Variants in LRP1B observed in about 807,000 individuals in gnomAD.
The protein encoded by LRP1B is LDL receptor related protein 1B, also known as low-density lipoprotein receptor-related protein 1B.
LRP1B carries 217 observed loss-of-function variants against 556.6 expected under a neutral mutation model. The observed-to-expected ratio is 0.39, with a 90% CI of 0.35 to 0.44. The LOEUF (loss-of-function observed/expected upper bound fraction) is 0.44, where lower values mean the gene tolerates loss of function less well. Among genes scored for constraint, LRP1B ranks in the 20% least tolerant of loss-of-function variants. LRP1B has a pLI of 1.00. For missense variants in LRP1B, 5,053 were observed against 5,620.8 expected, an observed-to-expected ratio of 0.90 and a Z score of 3.23; for synonymous variants, 2,047 against 1,865.8, an observed-to-expected ratio of 1.10 and a Z score of -2.50.
At chr2:140,434,073 T>A (rs1374628011) in intron 66 of LRP1B, among the ~76,000 whole-genome samples, 3 of 151,086 alleles carry the variant, frequency 2.0e-5, no homozygotes, top group African/African-American at 7.3e-5. Context: ...TATTTATTTA[T>A]TTTTTTTTCA....
At chr2:142,117,886 G>T (rs2105007555) in intron 1 of LRP1B, among the ~76,000 whole-genome samples, 1 of 152,196 alleles carries the variant, frequency 6.6e-6, no homozygotes, top group South Asian at 2.1e-4. Flanking sequence ...ATATGCTTTT[G>T]TGTTTGCAAA....
intron 37 of LRP1B, among the ~76,000 whole-genome samples, chr2:140,711,655 C>T (rs1305465595): frequency 6.6e-6 from 1 of 152,104 alleles, no homozygotes; most frequent in African/African-American, 2.4e-5. Flanking sequence ...TGGCTAGTCT[C>T]ATGTTGCTGG....
At chr2:141,870,634 GA>G (rs1440609441) in intron 1 of LRP1B, among the ~76,000 whole-genome samples, 1 of 151,854 alleles carries the variant, frequency 6.6e-6, no homozygotes, top group Non-Finnish European at 1.5e-5. Flanking sequence ...TTTCCCTCAA[GA>G]ATAAGGGGAA....
chr2:142,042,592 G>T (rs751431689), intron 1 of LRP1B, among the ~76,000 whole-genome samples: 1 of 151,394 alleles, frequency 6.6e-6, no homozygotes, highest in Non-Finnish European at 1.5e-5. Context: ...ATAAAAAAGG[G>T]ACAATGTTTC....
At chr2:140,474,471 T>C (rs1687888600) in intron 60 of LRP1B, among the ~76,000 whole-genome samples, 1 of 151,902 alleles carries the variant, frequency 6.6e-6, no homozygotes, top group South Asian at 2.1e-4. Flanking sequence ...TGTAAACCCC[T>C]GATAGCAAAG....
chr2:140,833,328 A>G (rs909336516), intron 31 of LRP1B, among the ~76,000 whole-genome samples: 2 of 152,204 alleles, frequency 1.3e-5, no homozygotes, highest in Non-Finnish European at 2.9e-5. Flanking sequence ...GTTTTAAACT[A>G]TGTGGCAGTA....
At chr2:141,625,907 G>T (rs1688687668) in intron 2 of LRP1B, among the ~76,000 whole-genome samples, 1 of 152,048 alleles carries the variant, frequency 6.6e-6, no homozygotes, top group African/African-American at 2.4e-5. Context: ...TCTATATTTA[G>T]ATTGCATATT....
At chr2:140,574,757 C>T (rs577754498) in intron 43 of LRP1B, among the ~76,000 whole-genome samples, 55 of 152,278 alleles carry the variant, frequency 3.6e-4, no homozygotes, top group Middle Eastern at 6.8e-3. Flanking sequence ...AACCTTCTCC[C>T]TTTAACTGAA....
At chr2:141,277,754 C>G (rs1368910045) in intron 3 of LRP1B, among the ~76,000 whole-genome samples, 2 of 147,608 alleles carry the variant, frequency 1.4e-5, no homozygotes, top group African/African-American at 2.5e-5. Context: ...GGTGAATGTT[C>G]TCACCCAAAA....
intron 7 of LRP1B, among the ~76,000 whole-genome samples, chr2:141,121,273 T>C (rs1277587321): frequency 1.3e-5 from 2 of 152,202 alleles, no homozygotes; most frequent in East Asian, 3.9e-4. Context: ...GAATCTGATA[T>C]TTCAGAAATA....
chr2:140,377,601 G>A (rs1413474184), intron 68 of LRP1B, among the ~76,000 whole-genome samples: 1 of 152,164 alleles, frequency 6.6e-6, no homozygotes, highest in African/African-American at 2.4e-5. Flanking sequence ...CAAATTGTAT[G>A]AAGTATTATA....
chr2:141,780,472 G>A (rs2105637286), intron 2 of LRP1B, among the ~76,000 whole-genome samples: 1 of 152,228 alleles, frequency 6.6e-6, no homozygotes, highest in South Asian at 2.1e-4. Context: ...AATCAGTGAT[G>A]TCCTGATAAA....
At chr2:141,820,925 G>A (rs567357945) in intron 1 of LRP1B, among the ~76,000 whole-genome samples, 1 of 152,240 alleles carries the variant, frequency 6.6e-6, no homozygotes, top group Non-Finnish European at 1.5e-5. Context: ...GGACTTTGCA[G>A]ATGTGATTAA....
intron 17 of LRP1B, among the ~76,000 whole-genome samples, chr2:140,988,456 A>G (rs1343512416): frequency 6.6e-6 from 1 of 152,180 alleles, no homozygotes; most frequent in Admixed American, 6.5e-5. Context: ...TAGAAGACAT[A>G]GACTAGGACT....
intron 35 of LRP1B, among the ~76,000 whole-genome samples, chr2:140,739,215 A>G (rs544024612): frequency 1.3e-5 from 2 of 152,230 alleles, no homozygotes; most frequent in Admixed American, 1.3e-4. Flanking sequence ...GTCAGCCACC[A>G]TATGGGTGAG....
At chr2:141,801,168 A>G (rs577223355) in intron 2 of LRP1B, among the ~76,000 whole-genome samples, 1 of 152,156 alleles carries the variant, frequency 6.6e-6, no homozygotes, top group African/African-American at 2.4e-5. Flanking sequence ...AACCTAATAT[A>G]GTATATTAAT....
chr2:141,186,111 A>C (rs1210632755), intron 7 of LRP1B, among the ~76,000 whole-genome samples: 1 of 147,712 alleles, frequency 6.8e-6, no homozygotes, highest in African/African-American at 2.5e-5. Flanking sequence ...CAGTATGCTT[A>C]AGTAACAGGT....
intron 60 of LRP1B, among the ~76,000 whole-genome samples, chr2:140,474,295 G>T (rs1687881122): frequency 6.6e-6 from 1 of 151,846 alleles, no homozygotes; most frequent in African/African-American, 2.4e-5. Context: ...CGATGATTAA[G>T]AATAATCCTC....
At chr2:140,843,452 T>C (rs1182951053) in intron 29 of LRP1B, among the ~76,000 whole-genome samples, 1 of 152,150 alleles carries the variant, frequency 6.6e-6, no homozygotes, top group African/African-American at 2.4e-5. Flanking sequence ...CAGAATGTGA[T>C]GTCTAAATTT....
Sources: gnomAD v4.1 joint callset for allele counts (sites outside exome capture counted in the v4.1 genomes callset) on GRCh38, gnomAD v4.1.1 for gene constraint, MANE v1.5 for transcripts, NCBI Gene and HGNC (gene_info 2026-07-23, HGNC 2026-07-21) for gene names.